The following LYPD6 variants were observed in gnomAD, a reference collection of about 807,000 sequenced individuals.
LYPD6 encodes LY6/PLAUR domain containing 6.
A neutral mutation model predicts 22.7 loss-of-function variants in LYPD6; 15 were observed. That is an observed-to-expected ratio of 0.66 (90% confidence interval 0.44 to 1.02). LYPD6 has a LOEUF of 1.02. Among genes scored for constraint, LYPD6 ranks in the 50% least tolerant of loss-of-function variants. The probability of loss-of-function intolerance (pLI) is 0.00; values close to 1 mark genes in which losing one functional copy is unlikely to be tolerated. For missense variants in LYPD6, 189 were observed against 208.4 expected (o/e 0.91, Z 0.57); for synonymous variants, 72 against 77.5 (o/e 0.93, Z 0.37).
the LYPD6 span, among the ~76,000 whole-genome samples, chr2:149,480,097 C>T: frequency 6.6e-6 from 1 of 151,996 alleles, no homozygotes; most frequent in Admixed American, 6.6e-5. Context: ...TCAACCTCCG[C>T]CTCCCAGGTT....
At chr2:149,485,017 C>T in the LYPD6 span, among the ~76,000 whole-genome samples, 5 of 152,144 alleles carry the variant, frequency 3.3e-5, no homozygotes, top group Admixed American at 3.3e-4. Flanking sequence ...TGATATCCAG[C>T]CACAGTGTTT....
At chr2:149,402,129 TA>T (rs879643167) in intron 1 of LYPD6, among the ~76,000 whole-genome samples, 1,855 of 144,408 alleles carry the variant, frequency 0.013, 15 homozygotes, top group African/African-American at 0.03. Flanking sequence ...TCCCAGAACT[TA>T]AAAAAAAAAA....
chr2:149,395,290 A>G (rs967371224), intron 1 of LYPD6, among the ~76,000 whole-genome samples: 1 of 152,082 alleles, frequency 6.6e-6, no homozygotes, highest in Non-Finnish European at 1.5e-5. Context: ...TAGTGGATTT[A>G]AGTCTGGTAT....
chr2:149,425,644 C>T (rs1179374916), intron 1 of LYPD6, among the ~76,000 whole-genome samples: 2 of 152,278 alleles, frequency 1.3e-5, no homozygotes, highest in Admixed American at 6.5e-5. Flanking sequence ...TTATATTCTG[C>T]TTTGCTACAA....
At chr2:149,338,848 T>C (rs1217731701) in intron 1 of LYPD6, among the ~76,000 whole-genome samples, 1 of 152,160 alleles carries the variant, frequency 6.6e-6, no homozygotes, top group Admixed American at 6.6e-5. Context: ...TTCAGTAATA[T>C]CCCTGGTATT....
rs1477796472 is a variant in LYPD6, at chr2:149,338,972, G to A, written c.-72+8250G>A. Among the ~76,000 whole-genome samples, 3 of 152,174 alleles carry A rather than the reference G, an allele frequency of 2.0e-5. No homozygotes were observed. In the South Asian group the frequency reaches 6.2e-4, roughly 32 times the overall value. ...TGTCATTTTCAAGAAAGACAGATAG[G>A]GAGGAATTGGATAAGAGCAATAACA... On this transcript the variant is annotated intron_variant, in intron 1 of 4. Coordinates refer to ENST00000334166, the MANE Select transcript of LYPD6 (RefSeq NM_194317.5).
chr2:149,406,724 C>A (rs1453307099), intron 1 of LYPD6, among the ~76,000 whole-genome samples: 1 of 151,726 alleles, frequency 6.6e-6, no homozygotes, highest in Non-Finnish European at 1.5e-5. Flanking sequence ...AGCATTTAGT[C>A]CATTTACATT....
At chr2:149,386,859 A>G (rs1044619043) in intron 1 of LYPD6, among the ~76,000 whole-genome samples, 2 of 152,232 alleles carry the variant, frequency 1.3e-5, no homozygotes, top group East Asian at 3.8e-4. Context: ...AATGAAAAAA[A>G]TTGAGAACAT....
chr2:149,426,131 A>C (rs1683183899), intron 1 of LYPD6, among the ~76,000 whole-genome samples: 1 of 151,962 alleles, frequency 6.6e-6, no homozygotes, highest in African/African-American at 2.4e-5. Context: ...GGCTGTTTGA[A>C]TTTTTTTTCT....
chr2:149,426,697 T>A (rs1683194968), intron 1 of LYPD6, among the ~76,000 whole-genome samples: 1 of 152,120 alleles, frequency 6.6e-6, no homozygotes, highest in African/African-American at 2.4e-5. Context: ...CACAAAGCAA[T>A]GGAAGAAACA....
intron 1 of LYPD6, among the ~76,000 whole-genome samples, chr2:149,424,753 C>T (rs142313365): frequency 1.1e-3 from 167 of 152,216 alleles, no homozygotes; most frequent in African/African-American, 3.9e-3. Context: ...TTCATAGTGG[C>T]GCTGTCAATT....
At position 149,439,685 on chromosome 2, in the gene LYPD6, T is replaced by C. The variant is rs1435634915; in HGVS notation, c.118+1859T>C. 7.9e-5 allele frequency among the ~76,000 whole-genome samples: 12 copies of C among 152,282 alleles called. No homozygotes were observed. In the East Asian group the frequency reaches 2.3e-3, roughly 29 times the overall value. On this transcript the variant is annotated intron_variant, in intron 2 of 4. Transcript: ENST00000334166. ...CAGTGCCCTGTGTGTTGGGTCTCTA[T>C]TGGGAAATTCAATTTCAGAAGGAGG...
At chr2:149,456,207 T>C (rs1220985643) in intron 3 of LYPD6, among the ~76,000 whole-genome samples, 1 of 152,238 alleles carries the variant, frequency 6.6e-6, no homozygotes, top group Non-Finnish European at 1.5e-5. Flanking sequence ...ACTCAATTTG[T>C]AGTTCATCCT....
At position 149,448,860 on chromosome 2, in the gene LYPD6, A is replaced by G. The variant is rs543825994; in HGVS notation, c.119-189A>G. 8.4e-4 allele frequency among the ~76,000 whole-genome samples: 128 copies of G among 152,352 alleles called. 5 individuals carry two copies. The South Asian group carries it at 0.026, about 31-fold the overall frequency. On this transcript the variant is annotated intron_variant, in intron 2 of 4. Coordinates refer to ENST00000334166, the MANE Select transcript of LYPD6 (RefSeq NM_194317.5). ...CATTTGTGTACAGATTTTTGCATGT[A>G]TACAAATGTTCATTTCTCAGGGACA...
chr2:149,377,557 A>G (rs1681953011), intron 1 of LYPD6, among the ~76,000 whole-genome samples: 2 of 152,290 alleles, frequency 1.3e-5, no homozygotes, highest in Non-Finnish European at 2.9e-5. Flanking sequence ...AGGTGGGTGA[A>G]TCACCTGAGG....
At chr2:149,481,193 G>C in the LYPD6 span, among the ~76,000 whole-genome samples, 1 of 152,210 alleles carries the variant, frequency 6.6e-6, no homozygotes, top group East Asian at 1.9e-4. Flanking sequence ...AAATGAGGAA[G>C]AAAGAGTAAG....
intron 1 of LYPD6, among the ~76,000 whole-genome samples, chr2:149,435,907 T>C (rs1329521727): frequency 6.6e-6 from 1 of 152,220 alleles, no homozygotes; most frequent in African/African-American, 2.4e-5. Flanking sequence ...TAATCACATC[T>C]GGAAGTAATT....
At chr2:149,465,692 G>C (rs1681184687) in intron 3 of LYPD6, among the ~76,000 whole-genome samples, 1 of 152,164 alleles carries the variant, frequency 6.6e-6, no homozygotes, top group African/African-American at 2.4e-5. Flanking sequence ...GTAAATGAAA[G>C]TTTGCAATTT....
chr2:149,437,931 G>A (rs1186609319), intron 2 of LYPD6, 105 bp downstream of exon 2: 5 of 1,207,648 alleles, frequency 4.1e-6, no homozygotes, highest in Admixed American at 3.6e-5. Flanking sequence ...AAAACCTCCC[G>A]TGATTTAACT....
Sources: gnomAD v4.1 joint callset for allele counts (sites outside exome capture counted in the v4.1 genomes callset) on GRCh38, gnomAD v4.1.1 for gene constraint, MANE v1.5 for transcripts, NCBI Gene and HGNC (gene_info 2026-07-23, HGNC 2026-07-21) for gene names.